Variants in DNAJA3 observed in about 807,000 individuals in gnomAD.
DNAJA3 encodes the protein dnaJ homolog subfamily A member 3, mitochondrial.
Under a neutral mutation model 54.9 loss-of-function variants are expected in DNAJA3, and 29 were observed. The observed-to-expected ratio is 0.53, with a 90% CI of 0.39 to 0.72. DNAJA3 has a LOEUF of 0.72. Among genes scored for constraint, DNAJA3 ranks in the 30% least tolerant of loss-of-function variants. The pLI, the probability that DNAJA3 is intolerant of heterozygous loss-of-function variation, is 0.00. For synonymous variants in DNAJA3, 302 were observed against 251.4 expected, an observed-to-expected ratio of 1.20 and a Z score of -1.90; for missense variants, 708 against 639.4, an observed-to-expected ratio of 1.11 and a Z score of -1.16.
chr16:4,435,980 C>G (rs879835084), intron 2 of DNAJA3, among the ~76,000 whole-genome samples: 3 of 152,192 alleles, frequency 2.0e-5, no homozygotes, highest in Admixed American at 2.0e-4. Context: ...CCAGTGAACA[C>G]TTAACTATTA....
rs778238689 is a variant in DNAJA3 at position 4,426,078 on chromosome 16, G to C, written c.197G>C (p.Gly66Ala). Residue 66 changes from glycine (G) to alanine (A), a missense_variant, in exon 1 of 12, where the codon GGT (glycine) becomes GCT (alanine). Gly to Ala is a moderately conservative substitution (Grantham distance 60). Coordinates refer to ENST00000262375, the MANE Select transcript of DNAJA3 (RefSeq NM_005147.6). The stretch of plus-strand genomic sequence containing the variant: ...CGAGCGCTGCTGACATTGAGACCTG[G>C]TGTCAGCCTTACAGGTGAGGGCAGG... ...GPRALLTLRPGVSLTGTKHNP... is the reference protein window; with the variant it reads ...GPRALLTLRPAVSLTGTKHNP... 2 of 1,597,314 alleles carry C rather than the reference G, an allele frequency of 1.3e-6. No individual in the cohort carries two copies. Among genetic ancestry groups the C allele is most frequent in the Non-Finnish European group, 8.5e-7 (1 of 1,171,978 alleles).
intron 1 of DNAJA3, among the ~76,000 whole-genome samples, chr16:4,429,052 C>A (rs1299555436): frequency 6.6e-6 from 1 of 151,586 alleles, no homozygotes; most frequent in Non-Finnish European, 1.5e-5. Context: ...CCGCGCCCAG[C>A]TAATTTTTTG....
At chr16:4,443,861 T>A (rs2056869017) in intron 6 of DNAJA3, among the ~76,000 whole-genome samples, 1 of 152,150 alleles carries the variant, frequency 6.6e-6, no homozygotes, top group South Asian at 2.1e-4. Flanking sequence ...TAATTTTTTG[T>A]ATTTTTAGTA....
chr16:4,447,046 CT>C (rs1221739496), intron 8 of DNAJA3, 32 bp downstream of exon 8: 1 of 1,600,914 alleles, frequency 6.2e-7, no homozygotes, highest in African/African-American at 1.3e-5. Context: ...TTTGTCACCC[CT>C]GTACTTTATT....
intron 1 of DNAJA3, 90 bp downstream of exon 1, chr16:4,426,182 G>A: frequency 7.7e-7 from 1 of 1,307,024 alleles, no homozygotes; most frequent in Non-Finnish European, 1.0e-6. Context: ...AGGGGTAGTG[G>A]GGTGGAGGGT....
At chr16:4,437,712 A>T (rs1454455929) in intron 3 of DNAJA3, 6 of 450,552 alleles carry the variant, frequency 1.3e-5, no homozygotes, top group African/African-American at 1.0e-4. Flanking sequence ...CAGGAGGATC[A>T]CTTGACCTCA....
At chr16:4,434,352 C>A in intron 1 of DNAJA3, 32 bp from the exon 2 acceptor site, 1 of 1,608,164 alleles carries the variant, frequency 6.2e-7, no homozygotes, top group Non-Finnish European at 8.5e-7. Context: ...AGAACATTCC[C>A]AGAGTGATTT....
intron 9 of DNAJA3, 122 bp downstream of exon 9, chr16:4,448,970 T>C: frequency 5.8e-6 from 4 of 695,488 alleles, no homozygotes; most frequent in Admixed American, 2.4e-5. Flanking sequence ...CCGAGTTATC[T>C]GTCTGTAAAG....
chr16:4,451,896 TAAA>T (rs368431722), intron 10 of DNAJA3, among the ~76,000 whole-genome samples: 8 of 138,816 alleles, frequency 5.8e-5, no homozygotes, highest in Non-Finnish European at 3.1e-5. Context: ...CTGTCTCTAC[TAAA>T]AAAAAAAAAA....
At chr16:4,438,816 C>T (rs908203000) in intron 3 of DNAJA3, among the ~76,000 whole-genome samples, 92 of 151,836 alleles carry the variant, frequency 6.1e-4, no homozygotes, top group African/African-American at 2.2e-3. Context: ...TATATAGGAG[C>T]TCATATATCT....
intron 1 of DNAJA3, among the ~76,000 whole-genome samples, chr16:4,428,882 ATT>A (rs766170292): frequency 8.5e-4 from 92 of 108,426 alleles, no homozygotes; most frequent in African/African-American, 2.8e-3. Context: ...CTACAAAAAG[ATT>A]TTTTTTTTTT....
intron 3 of DNAJA3, among the ~76,000 whole-genome samples, chr16:4,439,092 T>A (rs1316634623): frequency 1.3e-5 from 2 of 151,668 alleles, no homozygotes; most frequent in African/African-American, 4.9e-5. Context: ...ATCCCTATAA[T>A]CCCAGCACTT....
chr16:4,435,138 G>T (rs1360551353), intron 2 of DNAJA3, among the ~76,000 whole-genome samples: 1 of 151,970 alleles, frequency 6.6e-6, no homozygotes, highest in East Asian at 1.9e-4. Flanking sequence ...GACCTCAGGT[G>T]ATCCACCTGC....
Position 4,443,114 on chromosome 16 carries a change from G to C in DNAJA3, c.881G>C (p.Gly294Ala). 1 of 1,614,058 alleles carries C rather than the reference G, an allele frequency of 6.2e-7. No homozygotes were observed. The highest frequency in any genetic ancestry group is 8.5e-7 in the Non-Finnish European group (1 of 1,180,022). The part of the protein sequence containing the change: ...IIISPCVVCR[G>A]AGQAKQKKRV... ...ATATCGCCCTGTGTGGTCTGCAGGG[G>C]AGCAGGACAAGCCAAGCAGAAAAAG... The change falls in exon 6 of 12, where the codon GGA becomes GCA. Residue 294 changes from glycine (G) to alanine (A), a missense_variant. Transcript: ENST00000262375.
intron 7 of DNAJA3, among the ~76,000 whole-genome samples, chr16:4,445,396 T>C (rs1406742094): frequency 6.6e-6 from 1 of 152,200 alleles, no homozygotes; most frequent in Non-Finnish European, 1.5e-5. Flanking sequence ...AGACCATCTG[T>C]GTAAAGTTTT....
At chr16:4,445,872 A>C (rs2056895917) in intron 7 of DNAJA3, among the ~76,000 whole-genome samples, 1 of 150,940 alleles carries the variant, frequency 6.6e-6, no homozygotes, top group African/African-American at 2.4e-5. Flanking sequence ...TGTTACCTCC[A>C]CTGGGTTGTG....
At chr16:4,432,190 T>C (rs372551414) in intron 1 of DNAJA3, among the ~76,000 whole-genome samples, 3 of 150,538 alleles carry the variant, frequency 2.0e-5, no homozygotes, top group African/African-American at 7.3e-5. Flanking sequence ...TTGATCCATT[T>C]ATTTATTTAT....
intron 10 of DNAJA3, among the ~76,000 whole-genome samples, chr16:4,452,570 G>C (rs1261836095): frequency 1.3e-5 from 2 of 152,064 alleles, no homozygotes; most frequent in African/African-American, 4.8e-5. Flanking sequence ...ACTCAGCCAG[G>C]ATGTCTTCTC....
At chr16:4,430,516 T>A (rs1366516245) in intron 1 of DNAJA3, 1 of 149,120 alleles carries the variant, frequency 6.7e-6, no homozygotes, top group Non-Finnish European at 1.5e-5. Flanking sequence ...TGAGCCGAGA[T>A]CGCGCCACTG....
Sources: allele counts gnomAD v4.1 joint callset (sites outside exome capture counted in the v4.1 genomes callset), GRCh38; gene constraint gnomAD v4.1.1; transcripts MANE v1.5; gene names NCBI Gene and HGNC (gene_info 2026-07-23, HGNC 2026-07-21).